Variants in PTPRT observed in about 807,000 individuals in gnomAD.
The protein encoded by PTPRT is receptor-type tyrosine-protein phosphatase T.
In PTPRT, 56 loss-of-function variants were observed where a neutral mutation model predicts 176.8. The ratio of observed to expected loss-of-function variants is 0.32; its 90% CI spans 0.26 to 0.40. The LOEUF (loss-of-function observed/expected upper bound fraction) is 0.40. Among genes scored for constraint, PTPRT ranks in the 10% least tolerant of loss-of-function variants. PTPRT has a pLI of 1.00. For synonymous variants in PTPRT, 783 were observed against 739.0 expected, an observed-to-expected ratio of 1.06 and a Z score of -0.96; for missense variants, 1,540 against 1,908.2, an observed-to-expected ratio of 0.81 and a Z score of 3.60.
At chr20:42,118,299 T>A in intron 21 of PTPRT, 104 bp downstream of exon 21, 1 of 962,916 alleles carries the variant, frequency 1.0e-6, no homozygotes, top group Non-Finnish European at 1.5e-6. Context: ...GCCGTGAGGG[T>A]GAAATACTGA....
intron 7 of PTPRT, among the ~76,000 whole-genome samples, chr20:42,524,076 G>T (rs1233363599): frequency 6.6e-6 from 1 of 152,096 alleles, no homozygotes; most frequent in Non-Finnish European, 1.5e-5. Context: ...AAAGATCTTG[G>T]AATACATTAA....
At chr20:42,508,923 A>G (rs942446330) in intron 7 of PTPRT, among the ~76,000 whole-genome samples, 17 of 144,950 alleles carry the variant, frequency 1.2e-4, no homozygotes, top group African/African-American at 4.2e-4. Context: ...TTATAAATAT[A>G]AATAATATAA....
chr20:42,094,860 C>T (rs903797274), intron 27 of PTPRT, among the ~76,000 whole-genome samples: 4 of 151,968 alleles, frequency 2.6e-5, no homozygotes, highest in Non-Finnish European at 4.4e-5. Flanking sequence ...CCAGCCTGGG[C>T]GACAGAGTGA....
chr20:42,068,628 T>C (rs185988257), downstream of PTPRT, among the ~76,000 whole-genome samples: 1 of 152,336 alleles, frequency 6.6e-6, no homozygotes, highest in East Asian at 1.9e-4. Flanking sequence ...AGCCACTTTA[T>C]CTTCTCTGAG....
rs1568731724 is a variant in PTPRT at position 42,276,534 on chromosome 20, TA to T, written c.2176+5954del. 7.5e-3 allele frequency among the ~76,000 whole-genome samples: 375 copies of T among 50,224 alleles called. 13 individuals carry two copies. Among genetic ancestry groups the T allele is most frequent in the African/African-American group, 0.019 (272 of 14,040 alleles). 32.9% of individuals were successfully genotyped at this position (50,224 alleles called of 152,430 possible). On this transcript the variant is annotated intron_variant, in intron 13 of 30. Coordinates refer to ENST00000373187, the MANE Select transcript of PTPRT (RefSeq NM_007050.6). ...ATATATATATATATATATATATATA[TA>T]TATATATATATATATATATATATAA...
At chr20:42,327,107 G>A in intron 11 of PTPRT, among the ~76,000 whole-genome samples, 1 of 151,642 alleles carries the variant, frequency 6.6e-6, no homozygotes, top group African/African-American at 2.4e-5. Context: ...GTGTGTGTGT[G>A]TGTGTATGAC....
At chr20:42,983,383 T>C (rs1207101284) in intron 1 of PTPRT, among the ~76,000 whole-genome samples, 6 of 152,148 alleles carry the variant, frequency 3.9e-5, no homozygotes, top group African/African-American at 1.4e-4. Context: ...CTCTACATCC[T>C]CCTGCTGTTT....
At chr20:42,070,099 G>T (rs959142880), downstream of PTPRT, among the ~76,000 whole-genome samples, 3 of 152,034 alleles carry the variant, frequency 2.0e-5, no homozygotes, top group African/African-American at 7.2e-5. Flanking sequence ...TATCTCACCA[G>T]CTGCTTCTGC....
chr20:42,689,103 C>T (rs1332669230), intron 6 of PTPRT, among the ~76,000 whole-genome samples: 2 of 152,164 alleles, frequency 1.3e-5, no homozygotes, highest in African/African-American at 2.4e-5. Context: ...CCTGAAGACC[C>T]ACAGAGCTAA....
chr20:42,321,106 T>C (rs1294677883), intron 11 of PTPRT, among the ~76,000 whole-genome samples: 1 of 152,218 alleles, frequency 6.6e-6, no homozygotes, highest in Non-Finnish European at 1.5e-5. Context: ...TTTCAAACTT[T>C]GTTTCCAGCA....
At chr20:42,750,194 G>GA (rs2076750701) in intron 6 of PTPRT, among the ~76,000 whole-genome samples, 1 of 151,892 alleles carries the variant, frequency 6.6e-6, no homozygotes, top group Non-Finnish European at 1.5e-5. Flanking sequence ...TTTAATCCAG[G>GA]AAAACAAACA....
At chr20:42,512,890 G>A (rs190719626) in intron 7 of PTPRT, among the ~76,000 whole-genome samples, 12 of 151,910 alleles carry the variant, frequency 7.9e-5, no homozygotes, top group East Asian at 7.7e-4. Context: ...ACAGAGTTTC[G>A]CTCTTGTTGC....
intron 2 of PTPRT, among the ~76,000 whole-genome samples, chr20:42,825,374 G>A (rs1054087441): frequency 2.0e-5 from 3 of 151,822 alleles, no homozygotes; most frequent in African/African-American, 4.8e-5. Context: ...GTAATAATAC[G>A]GCAATATGAT....
intron 16 of PTPRT, among the ~76,000 whole-genome samples, chr20:42,184,513 C>CT (rs1990648463): frequency 3.6e-5 from 5 of 140,068 alleles, no homozygotes; most frequent in African/African-American, 1.1e-4. Context: ...CCTCCTCCTC[C>CT]TCCTCCTTCT....
At chr20:42,160,135 A>G (rs774815133) in intron 17 of PTPRT, among the ~76,000 whole-genome samples, 5 of 152,034 alleles carry the variant, frequency 3.3e-5, no homozygotes, top group Admixed American at 2.0e-4. Flanking sequence ...GCTGCATGTG[A>G]AGAAAAAAAA....
At chr20:42,875,835 G>A (rs996291471) in intron 2 of PTPRT, among the ~76,000 whole-genome samples, 1 of 152,152 alleles carries the variant, frequency 6.6e-6, no homozygotes, top group African/African-American at 2.4e-5. Context: ...ACGATGACCT[G>A]GGCAAGTCAT....
At chr20:42,771,186 C>T (rs556083941) in intron 5 of PTPRT, among the ~76,000 whole-genome samples, 6 of 152,272 alleles carry the variant, frequency 3.9e-5, no homozygotes, top group Non-Finnish European at 7.4e-5. Flanking sequence ...AACCATCTGA[C>T]CCCAGGAAAC....
At chr20:42,318,322 T>C (rs930361661) in intron 11 of PTPRT, among the ~76,000 whole-genome samples, 17 of 152,178 alleles carry the variant, frequency 1.1e-4, no homozygotes, top group African/African-American at 4.1e-4. Context: ...TACCCAAACC[T>C]AGAGGTTGCA....
intron 9 of PTPRT, among the ~76,000 whole-genome samples, chr20:42,439,700 T>C (rs1441159976): frequency 6.6e-6 from 1 of 152,072 alleles, no homozygotes; most frequent in Admixed American, 6.6e-5. Flanking sequence ...CAATGCTTCT[T>C]CCCAACCCTG....
Sources: allele counts gnomAD v4.1 joint callset (sites outside exome capture counted in the v4.1 genomes callset), GRCh38; gene constraint gnomAD v4.1.1; transcripts MANE v1.5; gene names NCBI Gene and HGNC (gene_info 2026-07-23, HGNC 2026-07-21).